TBC1D31: variants seen among roughly 807,000 people sequenced by gnomAD.
TBC1D31 encodes the protein TBC1 domain family member 31, also known as WD repeat domain 67.
TBC1D31 carries 99 observed loss-of-function variants against 132.9 expected under a neutral mutation model. The ratio of observed to expected loss-of-function variants is 0.74; its 90% CI spans 0.63 to 0.88. TBC1D31 has a LOEUF of 0.88. TBC1D31 is among the 40% of genes least tolerant of loss of function. The pLI is 0.00. For synonymous variants in TBC1D31, 385 were observed against 419.4 expected, an observed-to-expected ratio of 0.92 and a Z score of 1.00; for missense variants, 1,134 against 1,256.6, an observed-to-expected ratio of 0.90 and a Z score of 1.48.
Position 123,109,488 on chromosome 8 carries a change from G to A in TBC1D31, c.1304G>A (p.Arg435His), listed in dbSNP as rs142505887. 5.0e-5 allele frequency: 80 copies of A among 1,612,930 alleles called. No individual in the cohort carries two copies. Among genetic ancestry groups the A allele is most frequent in the African/African-American group, 1.2e-4 (9 of 74,808 alleles). ...YPTKYRMFIW[R>H]SLLQLPENHT... ...TTTTATTTCAGAATGTTCATTTGGC[G>A]CTCTCTGCTACAACTGCCTGAAAAT... The change falls in exon 10 of 22, where the codon CGC becomes CAC. Residue 435 changes from arginine to histidine, a missense_variant. Physicochemically the swap from Arg to His is conservative, Grantham distance 29 (BLOSUM62 0). Transcript: ENST00000287380.
At chr8:123,095,271 A>G (rs768558435) in intron 5 of TBC1D31, among the ~76,000 whole-genome samples, 3 of 152,224 alleles carry the variant, frequency 2.0e-5, no homozygotes, top group Admixed American at 6.5e-5. Flanking sequence ...GTCAGTAGCC[A>G]TTAGTGATCA....
At chr8:123,084,893 G>A (rs1433165551) in intron 4 of TBC1D31, among the ~76,000 whole-genome samples, 2 of 152,066 alleles carry the variant, frequency 1.3e-5, no homozygotes, top group Non-Finnish European at 2.9e-5. Flanking sequence ...AGGTTCAAGC[G>A]ATTCTCCTGC....
At chr8:123,085,662 G>A (rs1332451291) in intron 4 of TBC1D31, among the ~76,000 whole-genome samples, 5 of 152,134 alleles carry the variant, frequency 3.3e-5, no homozygotes, top group Non-Finnish European at 5.9e-5. Context: ...ACCCGCCTTA[G>A]CCTCCTAAAG....
intron 6 of TBC1D31, among the ~76,000 whole-genome samples, chr8:123,100,013 G>C (rs1015552998): frequency 1.1e-4 from 16 of 152,110 alleles, no homozygotes; most frequent in Non-Finnish European, 2.9e-5. Context: ...GAGCCGTCAT[G>C]CCCTAATCAC....
rs78108104 is a variant in TBC1D31, at chr8:123,134,132, G to A, written c.2425G>A (p.Glu809Lys). ...IGRKVYMRDREIAATARDLEM... is the reference protein window; with the variant it reads ...IGRKVYMRDRKIAATARDLEM... ...GCCATAGGTATATATGAGAGATCGA[G>A]AAATTGCTGCCACAGCCAGAGACCT... Residue 809 changes from glutamate to lysine, a missense_variant, in exon 17 of 22, where the codon GAA (glutamate) becomes AAA (lysine). Physicochemically the swap from Glu to Lys is moderately conservative, Grantham distance 56 (BLOSUM62 1). Transcript: ENST00000287380. The A allele has an allele frequency of 6.2e-7, 1 of 1,613,916 alleles. No individual in the cohort carries two copies. Among genetic ancestry groups the A allele is most frequent in the Non-Finnish European group, 8.5e-7 (1 of 1,179,882 alleles).
chr8:123,085,123 G>A (rs935238196), intron 4 of TBC1D31, among the ~76,000 whole-genome samples: 6 of 152,086 alleles, frequency 3.9e-5, no homozygotes, highest in Non-Finnish European at 8.8e-5. Context: ...TTGGTCATCA[G>A]CATACTCCCC....
Position 123,093,706 on chromosome 8 carries a change from G to T in TBC1D31, c.635G>T (p.Ser212Ile). ...TATCAATTGCCAGCTCCACCTGAAA[G>T]CTCTAGTATATTATACAAAGTGTTT... ...CKYQLPAPPE[S>I]SSILYKVFAV... Residue 212 changes from serine (S) to isoleucine (I), a missense_variant, in exon 5 of 22, where the codon AGC (serine) becomes ATC (isoleucine). Physicochemically the swap from Ser to Ile is moderately radical, Grantham distance 142. Transcript: ENST00000287380. 1.2e-6 allele frequency: 2 copies of T among 1,609,818 alleles called. No individual in the cohort carries two copies. The highest frequency in any genetic ancestry group is 1.7e-6 in the Non-Finnish European group (2 of 1,177,134).
rs923103893 is a variant in TBC1D31, at chr8:123,152,053, ATG to A, written c.*118_*119del. 2.4e-5 allele frequency: 25 copies of A among 1,052,576 alleles called. No homozygotes were observed. The highest frequency in any genetic ancestry group is 2.7e-5 in the Non-Finnish European group (22 of 805,550). 65.2% of individuals were successfully genotyped at this position (1,052,576 alleles called of 1,614,324 possible). On this transcript the variant is annotated 3_prime_UTR_variant, in exon 22 of 22. Coordinates refer to ENST00000287380, the MANE Select transcript of TBC1D31 (RefSeq NM_145647.4). ...AAAGATCAGCCCTTTGTACAGAAAAATGTGTCTATAAAAATTATGTGTTATTT... is the reference window on the plus strand; with the variant it reads ...AAAGATCAGCCCTTTGTACAGAAAAATGTCTATAAAAATTATGTGTTATTT...
At chr8:123,130,123 C>A in intron 15 of TBC1D31, 75 bp from the exon 16 acceptor site, 1 of 1,440,332 alleles carries the variant, frequency 6.9e-7, no homozygotes, top group Non-Finnish European at 9.5e-7. Flanking sequence ...ATCAGCATGG[C>A]AGACCTGTTA....
the TBC1D31 span, among the ~76,000 whole-genome samples, chr8:123,158,675 G>A: frequency 3.8e-4 from 58 of 152,262 alleles, no homozygotes; most frequent in Admixed American, 1.8e-3. Flanking sequence ...TGTTAAGGGG[G>A]CAAAAGGCAG....
intron 17 of TBC1D31, 121 bp downstream of exon 17, chr8:123,134,327 TTCCA>T: frequency 1.1e-5 from 8 of 727,586 alleles, no homozygotes; most frequent in Non-Finnish European, 1.9e-5. Context: ...AGCTAAGGAA[TTCCA>T]GACCAGACCT....
chr8:123,137,103 A>T (rs1821171515), intron 17 of TBC1D31, among the ~76,000 whole-genome samples: 1 of 152,176 alleles, frequency 6.6e-6, no homozygotes, highest in African/African-American at 2.4e-5. Flanking sequence ...ATCTAATTTG[A>T]ATCAAATTAT....
chr8:123,149,525 A>G (rs1182673113), intron 20 of TBC1D31, among the ~76,000 whole-genome samples: 1 of 152,234 alleles, frequency 6.6e-6, no homozygotes, highest in Non-Finnish European at 1.5e-5. Flanking sequence ...AACAGTGAAA[A>G]CACAGCTGAG....
At chr8:123,084,732 C>T (rs1353513772) in intron 4 of TBC1D31, among the ~76,000 whole-genome samples, 1 of 151,864 alleles carries the variant, frequency 6.6e-6, no homozygotes, top group Admixed American at 6.6e-5. Flanking sequence ...CTTTACTCTA[C>T]TTTACATGGT....
intron 10 of TBC1D31, among the ~76,000 whole-genome samples, chr8:123,117,717 C>T (rs1411370780): frequency 7.0e-6 from 1 of 141,948 alleles, no homozygotes. Context: ...CGCGCCACTG[C>T]GCTCCAGCCT....
chr8:123,081,657 A>C (rs1347310939), intron 2 of TBC1D31, among the ~76,000 whole-genome samples: 1 of 152,262 alleles, frequency 6.6e-6, no homozygotes, highest in Non-Finnish European at 1.5e-5. Context: ...AAAGAAAAAG[A>C]GGTTTAATGG....
At chr8:123,077,635 T>C (rs889253988) in intron 2 of TBC1D31, among the ~76,000 whole-genome samples, 2 of 151,900 alleles carry the variant, frequency 1.3e-5, no homozygotes, top group Non-Finnish European at 2.9e-5. Flanking sequence ...AGGTTCCAGC[T>C]ACCGCACCCA....
intron 20 of TBC1D31, among the ~76,000 whole-genome samples, chr8:123,149,579 A>C (rs1362725306): frequency 6.6e-6 from 1 of 152,224 alleles, no homozygotes; most frequent in Non-Finnish European, 1.5e-5. Flanking sequence ...TGATAAAAGT[A>C]GGGGAGGCAC....
At position 123,130,314 on chromosome 8, in the gene TBC1D31, A is replaced by T; in HGVS notation, c.2387A>T (p.Asp796Val). The T allele has an allele frequency of 6.2e-7, 1 of 1,611,636 alleles. No homozygotes were observed. Among genetic ancestry groups the T allele is most frequent in the Non-Finnish European group, 8.5e-7 (1 of 1,178,850 alleles). The change falls in exon 16 of 22, where the codon GAT becomes GTT. Residue 796 changes from aspartate (D) to valine (V), a missense_variant. By Grantham distance (152) the Asp-to-Val change is radical (BLOSUM62 -3). Transcript: ENST00000287380. Reference protein sequence around the residue: ...DQQEMELRRLDDEIGRKVYMR... With the variant: ...DQQEMELRRLVDEIGRKVYMR... ...CAGGAAATGGAACTAAGAAGACTGG[A>T]TGATGAAATTGGGAGAAAGGTTTAT...
Sources: gnomAD v4.1 joint callset for allele counts (sites outside exome capture counted in the v4.1 genomes callset) on GRCh38, gnomAD v4.1.1 for gene constraint, MANE v1.5 for transcripts, NCBI Gene and HGNC (gene_info 2026-07-23, HGNC 2026-07-21) for gene names.